Variants in IL1R1 observed in about 807,000 individuals in gnomAD.
IL1R1 encodes the protein interleukin 1 receptor type 1, also known as interleukin-1 receptor type 1.
A neutral mutation model predicts 50.2 loss-of-function variants in IL1R1; 22 were observed. The ratio of observed to expected loss-of-function variants is 0.44; its 90% CI spans 0.31 to 0.63. The LOEUF is 0.63. Ranked by LOEUF, IL1R1 falls within the 20% of genes least tolerant of loss-of-function variation. The probability of loss-of-function intolerance (pLI) is 0.07; values close to 1 mark genes in which losing one functional copy is unlikely to be tolerated. For missense variants in IL1R1, 509 were observed against 676.2 expected, an observed-to-expected ratio of 0.75 and a Z score of 2.74; for synonymous variants, 251 against 236.7, an observed-to-expected ratio of 1.06 and a Z score of -0.55.
intron 1 of IL1R1, among the ~76,000 whole-genome samples, chr2:102,127,709 T>C (rs1681801163): frequency 6.7e-6 from 1 of 149,844 alleles, no homozygotes. Context: ...CCATGCAACA[T>C]CCAATGATCT....
At chr2:102,126,236 G>A (rs1214800458) in intron 1 of IL1R1, among the ~76,000 whole-genome samples, 2 of 152,212 alleles carry the variant, frequency 1.3e-5, no homozygotes, top group African/African-American at 4.8e-5. Flanking sequence ...AGACACGACT[G>A]AGCTAGAAGA....
rs1245787803 is a variant in IL1R1, at chr2:102,113,731, A to C, written c.-84+8859A>C. Among the ~76,000 whole-genome samples, 7 of 152,138 alleles carry C rather than the reference A, an allele frequency of 4.6e-5. No individual in the cohort carries two copies. In the East Asian group the frequency reaches 1.3e-3, roughly 29 times the overall value. On this transcript the variant is annotated intron_variant, in intron 1 of 10. Transcript: ENST00000409329. Reference sequence around the variant, plus strand: ...GGCCTCCTTGCCCTGGAGCCTGGGTACCCACCTCATCTGCTATTCTAGAAC... The same window carrying C: ...GGCCTCCTTGCCCTGGAGCCTGGGTCCCCACCTCATCTGCTATTCTAGAAC...
At chr2:102,127,886 C>T (rs913254039) in intron 1 of IL1R1, among the ~76,000 whole-genome samples, 2 of 152,192 alleles carry the variant, frequency 1.3e-5, no homozygotes, top group Non-Finnish European at 2.9e-5. Context: ...AACAAAACCA[C>T]TTTCACATGG....
intron 1 of IL1R1, among the ~76,000 whole-genome samples, chr2:102,116,063 C>CTG (rs1181473512): frequency 6.6e-6 from 1 of 152,210 alleles, no homozygotes; most frequent in Non-Finnish European, 1.5e-5. Context: ...TTCTGTCTCA[C>CTG]TGTGTGGCCC....
chr2:102,097,097 A>G (rs1026234091), intron 1 of IL1R1, among the ~76,000 whole-genome samples: 5 of 152,210 alleles, frequency 3.3e-5, no homozygotes, highest in Non-Finnish European at 7.4e-5. Flanking sequence ...TACGTCTCAC[A>G]GTTGTTAAGT....
At chr2:102,125,790 A>G (rs1681678347) in intron 1 of IL1R1, among the ~76,000 whole-genome samples, 2 of 152,336 alleles carry the variant, frequency 1.3e-5, no homozygotes, top group East Asian at 3.9e-4. Flanking sequence ...GGTCTGTAAT[A>G]CACAGTTTCC....
chr2:102,095,808 T>G (rs1679875531), intron 1 of IL1R1, among the ~76,000 whole-genome samples: 1 of 152,260 alleles, frequency 6.6e-6, no homozygotes, highest in South Asian at 2.1e-4. Context: ...ATCGAGACCA[T>G]CCTGGCCAAC....
In IL1R1 at chr2:102,166,290, T is replaced by C. The variant is rs762189812; in HGVS notation, c.655+9T>C. The stretch of plus-strand genomic sequence containing the variant: ...AGAATTTATTACTCTAGGTGAGTCA[T>C]AGCTCCAGCCCTAAAAGGTTTAGAT... On this transcript the variant is annotated intron_variant, in intron 6 of 11. Transcript: ENST00000410023. 6.2e-7 allele frequency: 1 copy of C among 1,603,874 alleles called. No individual in the cohort carries two copies. Among genetic ancestry groups the C allele is most frequent in the East Asian group, 2.2e-5 (1 of 44,734 alleles).
At chr2:102,132,400 A>G (rs774146302) in intron 1 of IL1R1, among the ~76,000 whole-genome samples, 22 of 152,314 alleles carry the variant, frequency 1.4e-4, no homozygotes, top group Middle Eastern at 3.4e-3. Context: ...AAATGAAACT[A>G]TACTATTTTA....
At chr2:102,084,045 G>A (rs893372487) in intron 1 of IL1R1, among the ~76,000 whole-genome samples, 2 of 151,954 alleles carry the variant, frequency 1.3e-5, no homozygotes, top group African/African-American at 2.4e-5. Flanking sequence ...GCCTCATAGC[G>A]ACTCTGAATC....
chr2:102,109,327 T>C (rs1427283461), intron 1 of IL1R1, among the ~76,000 whole-genome samples: 1 of 151,418 alleles, frequency 6.6e-6, no homozygotes, highest in Non-Finnish European at 1.5e-5. Flanking sequence ...TCTGGGTTCT[T>C]TAAGTATAAT....
intron 5 of IL1R1, 48 bp downstream of exon 5, chr2:102,165,352 A>C (rs772736542): frequency 3.7e-6 from 4 of 1,073,982 alleles, no homozygotes; most frequent in Non-Finnish European, 5.3e-6. Context: ...AAAATAAAAT[A>C]GTTCCCTGGA....
Position 102,179,517 on chromosome 2 carries a change from T to G in IL1R1, c.*2758T>G, listed in dbSNP as rs1686410375. The G allele has an allele frequency of 6.5e-6, 1 of 152,776 alleles. No homozygotes were observed. Among genetic ancestry groups the G allele is most frequent in the Non-Finnish European group, 1.5e-5 (1 of 68,044 alleles). The allele number at this position is 152,776 out of a possible 1,614,324, so 9.5% of individuals were successfully genotyped here. ...TTAATGCCTTCCACATTAATTAGAT[T>G]TTCTTGCAGTTTTTTTATGGCATTT... On this transcript the variant is annotated 3_prime_UTR_variant, in exon 12 of 12. Transcript: ENST00000410023.
chr2:102,101,579 G>A (rs1680144613), upstream of IL1R1, among the ~76,000 whole-genome samples: 1 of 152,174 alleles, frequency 6.6e-6, no homozygotes, highest in Non-Finnish European at 1.5e-5. Context: ...CAATTGGGAG[G>A]TATAAGAAAC....
chr2:102,088,583 C>A (rs890370648), intron 1 of IL1R1, among the ~76,000 whole-genome samples: 1 of 152,140 alleles, frequency 6.6e-6, no homozygotes, highest in African/African-American at 2.4e-5. Flanking sequence ...TGGACGTTGG[C>A]GTCAACTTAA....
At position 102,164,873 on chromosome 2, in the gene IL1R1, C is replaced by T; in HGVS notation, c.161C>T (p.Thr54Ile). The T allele has an allele frequency of 1.2e-6, 2 of 1,614,006 alleles. No individual in the cohort carries two copies. Among genetic ancestry groups the T allele is most frequent in the East Asian group, 4.5e-5 (2 of 44,860 alleles). ...CTTAACCCAAATGAACACAAAGGCACTATAACTTGGTATAAAGATGACAGC... is the reference window on the plus strand; with the variant it reads ...CTTAACCCAAATGAACACAAAGGCATTATAACTTGGTATAAAGATGACAGC... ...CPLNPNEHKGTITWYKDDSKT... is the reference protein window; with the variant it reads ...CPLNPNEHKGIITWYKDDSKT... The change falls in exon 4 of 12, where the codon ACT (threonine) becomes ATT (isoleucine). Residue 54 changes from threonine to isoleucine, a missense_variant. Transcript: ENST00000410023.
At position 102,176,337 on chromosome 2, in the gene IL1R1, G is replaced by A; in HGVS notation, c.1304-16G>A. On this transcript the variant is annotated splice_polypyrimidine_tract_variant and intron_variant, in intron 11 of 11. Coordinates refer to ENST00000410023, the MANE Select transcript of IL1R1 (RefSeq NM_000877.4). ...AATAGAATTTTACTTACTATATTGT[G>A]CTTCCTGTTTTTCAGACATTGTTGA... The A allele has an allele frequency of 1.2e-6, 2 of 1,609,142 alleles. No homozygotes were observed. Among genetic ancestry groups the A allele is most frequent in the South Asian group, 1.1e-5 (1 of 90,442 alleles).
intron 1 of IL1R1, among the ~76,000 whole-genome samples, chr2:102,108,873 ACTCCCAG>A (rs1370889420): frequency 1.3e-5 from 2 of 151,390 alleles, no homozygotes; most frequent in African/African-American, 4.9e-5. Context: ...TTTCACTCTG[ACTCCCAG>A]CTCAGTGCTG....
At chr2:102,146,061 C>T (rs892325621) in intron 1 of IL1R1, among the ~76,000 whole-genome samples, 9 of 151,982 alleles carry the variant, frequency 5.9e-5, no homozygotes, top group African/African-American at 2.2e-4. Flanking sequence ...AGTGAGTTTT[C>T]GGTGGTCTCT....
Sources: allele counts gnomAD v4.1 joint callset (sites outside exome capture counted in the v4.1 genomes callset), GRCh38; gene constraint gnomAD v4.1.1; transcripts MANE v1.5; gene names NCBI Gene and HGNC (gene_info 2026-07-23, HGNC 2026-07-21).